The following GLIS3 variants were observed in gnomAD, a reference collection of about 807,000 sequenced individuals.
GLIS3 encodes the protein GLIS family zinc finger 3.
A neutral mutation model predicts 78.6 loss-of-function variants in GLIS3; 53 were observed. The observed-to-expected ratio is 0.67, with a 90% CI of 0.54 to 0.85. The LOEUF (loss-of-function observed/expected upper bound fraction) is 0.85, where lower values mean the gene tolerates loss of function less well. Among genes scored for constraint, GLIS3 ranks in the 40% least tolerant of loss-of-function variants. GLIS3 has a pLI of 0.00. For synonymous variants in GLIS3, 684 were observed against 509.9 expected, an observed-to-expected ratio of 1.34 and a Z score of -4.60; for missense variants, 1,703 against 1,231.1, an observed-to-expected ratio of 1.38 and a Z score of -5.74.
chr9:4,397,253 C>T, the GLIS3 span, among the ~76,000 whole-genome samples: 1 of 147,922 alleles, frequency 6.8e-6, no homozygotes, highest in Non-Finnish European at 1.5e-5. Flanking sequence ...TCTCGATCTC[C>T]TGACCTCGTG....
intron 4 of GLIS3, among the ~76,000 whole-genome samples, chr9:4,042,366 A>C (rs961688564): frequency 1.3e-5 from 2 of 152,212 alleles, no homozygotes; most frequent in African/African-American, 4.8e-5. Flanking sequence ...GACTAAACCT[A>C]AGCTATCTTC....
intron 2 of GLIS3, among the ~76,000 whole-genome samples, chr9:4,189,746 T>C (rs1818154028): frequency 6.6e-6 from 1 of 152,232 alleles, no homozygotes; most frequent in Non-Finnish European, 1.5e-5. Flanking sequence ...TACCATTATG[T>C]AATGGCCTTC....
chr9:3,916,507 G>C (rs1264504564), intron 6 of GLIS3, among the ~76,000 whole-genome samples: 1 of 152,222 alleles, frequency 6.6e-6, no homozygotes, highest in Non-Finnish European at 1.5e-5. Flanking sequence ...GGTCTCAAAA[G>C]TTTTACAACA....
intron 5 of GLIS3, among the ~76,000 whole-genome samples, chr9:3,936,184 G>A (rs562999613): frequency 1.3e-5 from 2 of 152,148 alleles, no homozygotes; most frequent in Non-Finnish European, 2.9e-5. Context: ...TCTGTGATGT[G>A]TATAATACAC....
At chr9:4,285,597 C>G (rs1827915153) in intron 2 of GLIS3, 1 of 153,936 alleles carries the variant, frequency 6.5e-6, no homozygotes, top group African/African-American at 2.4e-5. Context: ...CTTCCAAACA[C>G]CACCTTTCTT....
At chr9:4,280,003 T>C (rs986806972) in intron 2 of GLIS3, among the ~76,000 whole-genome samples, 26 of 152,208 alleles carry the variant, frequency 1.7e-4, no homozygotes, top group Non-Finnish European at 1.5e-5. Context: ...TAATATAAAA[T>C]TGAAATATGG....
At chr9:4,265,942 G>A (rs570555088) in intron 2 of GLIS3, among the ~76,000 whole-genome samples, 8 of 113,504 alleles carry the variant, frequency 7.0e-5, no homozygotes, top group East Asian at 5.2e-4. Context: ...GTTTGGAGAC[G>A]GAGTCTCACT....
the GLIS3 span, among the ~76,000 whole-genome samples, chr9:4,437,623 G>A: frequency 6.6e-6 from 1 of 152,174 alleles, no homozygotes; most frequent in Non-Finnish European, 1.5e-5. Context: ...TGGGCTTGAA[G>A]AGCCTAGGTC....
intron 4 of GLIS3, among the ~76,000 whole-genome samples, chr9:4,109,811 C>T (rs996344279): frequency 1.3e-5 from 2 of 152,176 alleles, no homozygotes; most frequent in African/African-American, 4.8e-5. Context: ...TTCCTCTGTG[C>T]TCTTTCATAC....
intron 4 of GLIS3, among the ~76,000 whole-genome samples, chr9:4,307,406 G>C (rs1817254723): frequency 6.6e-6 from 1 of 152,070 alleles, no homozygotes; most frequent in Non-Finnish European, 1.5e-5. Flanking sequence ...GTTCCTCAAA[G>C]CCTGCTTTGC....
chr9:3,869,359 C>G (rs1588123133), intron 8 of GLIS3, among the ~76,000 whole-genome samples: 1 of 152,116 alleles, frequency 6.6e-6, no homozygotes, highest in Middle Eastern at 3.4e-3. Flanking sequence ...GAGGAAAGAA[C>G]AGCAAAGCAA....
the GLIS3 span, among the ~76,000 whole-genome samples, chr9:4,354,058 T>G: frequency 2.0e-5 from 3 of 150,186 alleles, no homozygotes; most frequent in Non-Finnish European, 3.0e-5. Flanking sequence ...GGATGGTCTC[T>G]ATCTCCTGAC....
At chr9:4,423,434 C>T in the GLIS3 span, among the ~76,000 whole-genome samples, 1 of 152,014 alleles carries the variant, frequency 6.6e-6, no homozygotes, top group Non-Finnish European at 1.5e-5. Flanking sequence ...ACTCATTCCC[C>T]CAACTTCCCA....
intron 6 of GLIS3, among the ~76,000 whole-genome samples, chr9:3,926,534 A>G (rs908324365): frequency 1.3e-5 from 2 of 149,802 alleles, no homozygotes; most frequent in African/African-American, 4.9e-5. Flanking sequence ...GCGGCCTGCA[A>G]TGCTTTTTAA....
At chr9:4,173,330 A>G (rs1487577269) in intron 2 of GLIS3, among the ~76,000 whole-genome samples, 1 of 152,104 alleles carries the variant, frequency 6.6e-6, no homozygotes, top group Non-Finnish European at 1.5e-5. Flanking sequence ...CAGGTGGCAA[A>G]TATGTTTTCT....
At chr9:3,904,698 T>C (rs1307073839) in intron 6 of GLIS3, among the ~76,000 whole-genome samples, 2 of 152,192 alleles carry the variant, frequency 1.3e-5, no homozygotes, top group African/African-American at 4.8e-5. Flanking sequence ...ATTAAATAAA[T>C]ATACACCAAT....
chr9:4,195,489 G>A (rs991593461), intron 2 of GLIS3, among the ~76,000 whole-genome samples: 41 of 152,196 alleles, frequency 2.7e-4, no homozygotes, highest in African/African-American at 8.4e-4. Context: ...CTGCCGGCCC[G>A]CCAGCACCGC....
At chr9:4,051,499 C>A (rs1825746062) in intron 4 of GLIS3, among the ~76,000 whole-genome samples, 1 of 152,032 alleles carries the variant, frequency 6.6e-6, no homozygotes, top group African/African-American at 2.4e-5. Flanking sequence ...ATCTCCACCT[C>A]CTAATAACTA....
intron 2 of GLIS3, among the ~76,000 whole-genome samples, chr9:4,322,092 T>C (rs1429882323): frequency 6.6e-6 from 1 of 152,058 alleles, no homozygotes; most frequent in Non-Finnish European, 1.5e-5. Flanking sequence ...AGTGTTCTCA[T>C]TGTTCAGTTC....
Sources: allele counts gnomAD v4.1 joint callset (sites outside exome capture counted in the v4.1 genomes callset), GRCh38; gene constraint gnomAD v4.1.1; transcripts MANE v1.5; gene names NCBI Gene and HGNC (gene_info 2026-07-23, HGNC 2026-07-21).